The following BZW2 variants were observed in gnomAD, a reference collection of about 807,000 sequenced individuals.
The protein encoded by BZW2 is basic leucine zipper and W2 domains 2.
BZW2 carries 23 observed loss-of-function variants against 53.2 expected under a neutral mutation model. The observed-to-expected ratio is 0.43, with a 90% CI of 0.31 to 0.61. BZW2 has a LOEUF of 0.61. BZW2 is among the 20% of genes least tolerant of loss of function. The pLI, the probability that BZW2 is intolerant of heterozygous loss-of-function variation, is 0.09. For synonymous variants in BZW2, 227 were observed against 186.4 expected, an observed-to-expected ratio of 1.22 and a Z score of -1.77; for missense variants, 409 against 503.1, an observed-to-expected ratio of 0.81 and a Z score of 1.79.
intron 4 of BZW2, 25 bp downstream of exon 4, chr7:16,681,429 G>C: frequency 6.3e-7 from 1 of 1,588,466 alleles, no homozygotes; most frequent in Non-Finnish European, 8.6e-7. Flanking sequence ...AGAGACTGAA[G>C]CATTTGAAGA....
chr7:16,676,917 A>G (rs1583723860), intron 3 of BZW2, among the ~76,000 whole-genome samples: 1 of 152,098 alleles, frequency 6.6e-6, no homozygotes, highest in Admixed American at 6.5e-5. Flanking sequence ...ACCTCTCTGC[A>G]TGCCACTTCT....
At chr7:16,663,861 G>T (rs1782339239) in intron 1 of BZW2, among the ~76,000 whole-genome samples, 1 of 152,128 alleles carries the variant, frequency 6.6e-6, no homozygotes, top group Non-Finnish European at 1.5e-5. Context: ...GTCTTGTGGA[G>T]CAGGCCTTAC....
At chr7:16,673,400 A>C (rs529098421) in intron 2 of BZW2, among the ~76,000 whole-genome samples, 5 of 152,186 alleles carry the variant, frequency 3.3e-5, no homozygotes, top group East Asian at 1.9e-4. Flanking sequence ...GGAGTTTTCT[A>C]GAGTTTAAAG....
rs1491344867 is a variant in BZW2, at chr7:16,654,520, CCA to C, written c.-8+8233_-8+8234del. On this transcript the variant is annotated intron_variant, in intron 1 of 11. Transcript: ENST00000258761. ...TTTTTCTGTATATAACCCCCCCCCCCCAAAAAAAAACGGATGATATTTATTTA... is the reference window on the plus strand; with the variant it reads ...TTTTTCTGTATATAACCCCCCCCCCCAAAAAAAACGGATGATATTTATTTA... Among the ~76,000 whole-genome samples, 666 of 117,788 alleles carry C rather than the reference CCA, an allele frequency of 5.7e-3. 2 individuals are homozygous for C. Among genetic ancestry groups the C allele is most frequent in the African/African-American group, 0.019 (571 of 29,678 alleles). The allele number at this position is 117,788 out of a possible 152,430, so 77.3% of individuals were successfully genotyped here.
Position 16,665,290 on chromosome 7 carries a change from C to T in BZW2, c.-7-147C>T, listed in dbSNP as rs113807454. The stretch of plus-strand genomic sequence containing the variant: ...CACTGCACTCCCACCTGGGCGACAG[C>T]GAGACTCTGTCTCAATTGAAAAAAA... On this transcript the variant is annotated intron_variant, in intron 1 of 11. Coordinates refer to ENST00000258761, the MANE Select transcript of BZW2 (RefSeq NM_014038.3). The T allele has an allele frequency of 2.3e-3, 2,134 of 939,804 alleles. 22 individuals carry two copies. The African/African-American group carries it at 0.029, about 13-fold the overall frequency. The allele number at this position is 939,804 out of a possible 1,614,324, so 58.2% of individuals were successfully genotyped here.
At chr7:16,664,567 G>A (rs1443760614) in intron 1 of BZW2, among the ~76,000 whole-genome samples, 3 of 152,160 alleles carry the variant, frequency 2.0e-5, no homozygotes, top group East Asian at 1.9e-4. Context: ...GCGATGAGAC[G>A]AGATGTGTAT....
At position 16,652,539 on chromosome 7, in the gene BZW2, G is replaced by A. The variant is rs142459662; in HGVS notation, c.-8+6251G>A. Among the ~76,000 whole-genome samples, 94 of 152,186 alleles carry A rather than the reference G, an allele frequency of 6.2e-4. 3 individuals carry two copies. The East Asian group carries it at 0.014, about 23-fold the overall frequency. On this transcript the variant is annotated intron_variant, in intron 1 of 11. Coordinates refer to ENST00000258761, the MANE Select transcript of BZW2 (RefSeq NM_014038.3). The stretch of plus-strand genomic sequence containing the variant: ...GGTTTAAACCTTTTTCTTTTGAGAC[G>A]GAGTTTCGCTGTTGTTGCCCAGTCT...
intron 8 of BZW2, among the ~76,000 whole-genome samples, chr7:16,695,466 T>C (rs1179414927): frequency 6.6e-6 from 1 of 152,230 alleles, no homozygotes; most frequent in Non-Finnish European, 1.5e-5. Flanking sequence ...ATTCCTGTCA[T>C]GGGAAAAGAC....
chr7:16,663,903 A>T (rs1444524716), intron 1 of BZW2, among the ~76,000 whole-genome samples: 1 of 152,200 alleles, frequency 6.6e-6, no homozygotes, highest in African/African-American at 2.4e-5. Flanking sequence ...TGCAATTTTT[A>T]AATTGTGTAT....
At chr7:16,661,927 A>G (rs1203879820) in intron 1 of BZW2, among the ~76,000 whole-genome samples, 1 of 152,124 alleles carries the variant, frequency 6.6e-6, no homozygotes, top group East Asian at 1.9e-4. Context: ...TTTAAACTTA[A>G]GTATTTTTAG....
chr7:16,686,660 A>G (rs1354801741), intron 6 of BZW2: 1 of 152,292 alleles, frequency 6.6e-6, no homozygotes, highest in East Asian at 1.9e-4. Flanking sequence ...AACACAAAAC[A>G]GTTATTTTTC....
At chr7:16,698,485 G>A (rs1783573297) in intron 10 of BZW2, among the ~76,000 whole-genome samples, 1 of 152,144 alleles carries the variant, frequency 6.6e-6, no homozygotes, top group Non-Finnish European at 1.5e-5. Flanking sequence ...AATTGAGCCT[G>A]TTTTTGAATT....
chr7:16,695,560 A>G (rs1451496792), intron 8 of BZW2, among the ~76,000 whole-genome samples: 1 of 152,260 alleles, frequency 6.6e-6, no homozygotes, highest in Non-Finnish European at 1.5e-5. Context: ...ATTTTTTATA[A>G]TACGCATATA....
At position 16,700,029 on chromosome 7, in the gene BZW2, A is replaced by G. The variant is rs371119934; in HGVS notation, c.1108+1843A>G. Among the ~76,000 whole-genome samples, 7 of 152,214 alleles carry G rather than the reference A, an allele frequency of 4.6e-5. No homozygotes were observed. In the East Asian group the frequency reaches 1.2e-3, roughly 25 times the overall value. ...CCTAAAGTTAGTGAGGTCTGTGGCA[A>G]GTATGACCTGGCCCCAGGGAACACA... is the stretch of plus-strand genomic sequence containing the variant. On this transcript the variant is annotated intron_variant, in intron 10 of 11. Transcript: ENST00000258761.
At chr7:16,678,702 A>G (rs1782843355) in intron 3 of BZW2, among the ~76,000 whole-genome samples, 1 of 152,200 alleles carries the variant, frequency 6.6e-6, no homozygotes, top group African/African-American at 2.4e-5. Context: ...TTTGTTCCAT[A>G]TCAGGGGAAC....
intron 1 of BZW2, among the ~76,000 whole-genome samples, chr7:16,652,067 C>T (rs532173105): frequency 6.6e-6 from 1 of 152,214 alleles, no homozygotes; most frequent in South Asian, 2.1e-4. Context: ...TACATAAGCT[C>T]CAGATGGGCA....
rs548375548 is a variant in BZW2 at position 16,682,818 on chromosome 7, G to A, written c.378G>A (p.Glu126=). 7.6e-6 allele frequency: 12 copies of A among 1,576,664 alleles called. No individual in the cohort carries two copies. In the South Asian group the frequency reaches 1.2e-4, roughly 16 times the overall value. ...TCATCAGGAGATATAAGTATTTGGAGAAGGCATTTGAAGATGAAATGAAAA... is the reference window on the plus strand; with the variant it reads ...TCATCAGGAGATATAAGTATTTGGAAAAGGCATTTGAAGATGAAATGAAAA... The part of the protein sequence containing the change: ...NKLIRRYKYL[E]KAFEDEMKKL... Residue 126 remains glutamate (E), a synonymous_variant, in exon 5 of 12, where the codon GAG becomes GAA. Coordinates refer to ENST00000258761, the MANE Select transcript of BZW2 (RefSeq NM_014038.3).
intron 1 of BZW2, among the ~76,000 whole-genome samples, chr7:16,663,872 A>AT (rs1021087920): frequency 6.6e-6 from 1 of 152,152 alleles, no homozygotes; most frequent in African/African-American, 2.4e-5. Flanking sequence ...CAGGCCTTAC[A>AT]TTTTTTCAAA....
chr7:16,665,420 ATTTTCTTTG>A lies in BZW2; in HGVS notation c.-7-11_-7-3del, dbSNP rs1484818738. ...TGCTTATCTGAAATACATAATCTTTATTTTCTTTGTTTTCAGAAATTTTATGAATAAGCA... is the reference window on the plus strand; with the variant it reads ...TGCTTATCTGAAATACATAATCTTTATTTTCAGAAATTTTATGAATAAGCA... On this transcript the variant is annotated splice_region_variant and splice_polypyrimidine_tract_variant and intron_variant, in intron 1 of 11. Coordinates refer to ENST00000258761, the MANE Select transcript of BZW2 (RefSeq NM_014038.3). 1 of 1,613,956 alleles carries A rather than the reference ATTTTCTTTG, an allele frequency of 6.2e-7. No homozygotes were observed. The highest frequency in any genetic ancestry group is 2.2e-5 in the East Asian group (1 of 44,880).
Sources: gnomAD v4.1 joint callset for allele counts (sites outside exome capture counted in the v4.1 genomes callset) on GRCh38, gnomAD v4.1.1 for gene constraint, MANE v1.5 for transcripts, NCBI Gene and HGNC (gene_info 2026-07-23, HGNC 2026-07-21) for gene names.